Variants in GRAMD4 observed in about 807,000 individuals in gnomAD.
GRAMD4 encodes GRAM domain-containing protein 4.
In GRAMD4, 25 loss-of-function variants were observed where a neutral mutation model predicts 83.9. The ratio of observed to expected loss-of-function variants is 0.30; its 90% CI spans 0.22 to 0.42. GRAMD4 has a LOEUF of 0.42. Among genes scored for constraint, GRAMD4 ranks in the 10% least tolerant of loss-of-function variants. The pLI is 1.00. For missense variants in GRAMD4, 593 were observed against 788.7 expected, an observed-to-expected ratio of 0.75 and a Z score of 2.97; for synonymous variants, 336 against 320.9, an observed-to-expected ratio of 1.05 and a Z score of -0.50.
At chr22:46,577,250 C>T (rs1482319314) in exon 1 of GRAMD4, 3 of 977,256 alleles carry the variant, frequency 3.1e-6, no homozygotes, top group African/African-American at 1.8e-5. Flanking sequence ...AGGGGGGCGC[C>T]GCGGCGGGTG....
Position 46,677,809 on chromosome 22 carries a change from G to A in GRAMD4, c.*558G>A. The A allele has an allele frequency of 1.0e-6, 1 of 985,606 alleles. No individual in the cohort carries two copies. 61.1% of individuals were successfully genotyped at this position (985,606 alleles called of 1,614,324 possible). On this transcript the variant is annotated 3_prime_UTR_variant, in exon 19 of 19. Coordinates refer to ENST00000406902, the MANE Select transcript of GRAMD4 (RefSeq NM_015124.5). ...TACATGAGACCCTCCTGTGGCATTT[G>A]CCCTTGGTGCCGGGCTGGGGCCGGG...
At chr22:46,584,213 T>G (rs1292133968) in intron 1 of GRAMD4, among the ~76,000 whole-genome samples, 1 of 152,078 alleles carries the variant, frequency 6.6e-6, no homozygotes, top group Non-Finnish European at 1.5e-5. Flanking sequence ...AGTCAGCCCC[T>G]TCTGCAGGGA....
At position 46,659,754 on chromosome 22, in the gene GRAMD4, G is replaced by A. The variant is rs1216053730; in HGVS notation, c.404+1447G>A. Among the ~76,000 whole-genome samples, 1 of 152,042 alleles carries A rather than the reference G, an allele frequency of 6.6e-6. No individual in the cohort carries two copies. The highest frequency in any genetic ancestry group is 1.5e-5 in the Non-Finnish European group (1 of 67,986). On this transcript the variant is annotated intron_variant, in intron 4 of 18. Transcript: ENST00000406902. The surrounding 1 kb of genome is among the most constrained non-coding windows in gnomAD (Gnocchi z 4.1). ...TGTGGGGGCATCCAGCTGGTGTGGG[G>A]GAGGGAGAGGCCTCACTTTCCTATT...
chr22:46,660,395 TGTC>T (rs2082309796), intron 4 of GRAMD4, among the ~76,000 whole-genome samples: 1 of 151,904 alleles, frequency 6.6e-6, no homozygotes, highest in Non-Finnish European at 1.5e-5. Context: ...CCTCTTTCCT[TGTC>T]GTCCTGGTGC....
upstream of GRAMD4, chr22:46,577,071 C>A (rs548832829): frequency 7.2e-3 from 1,057 of 147,664 alleles, 13 homozygotes; most frequent in African/African-American, 0.025. Flanking sequence ...GGCTGCGCAA[C>A]GGGGCCGGGG....
intron 1 of GRAMD4, among the ~76,000 whole-genome samples, chr22:46,613,577 G>A (rs2081439175): frequency 6.6e-6 from 1 of 152,202 alleles, no homozygotes; most frequent in South Asian, 2.1e-4. Flanking sequence ...CTTGGGCTGG[G>A]TGGCGGCTAC....
chr22:46,603,309 A>C, intron 1 of GRAMD4, among the ~76,000 whole-genome samples: 1 of 125,384 alleles, frequency 8.0e-6, no homozygotes. Flanking sequence ...CTGGGTTTAC[A>C]CCATTCTCCT....
chr22:46,616,928 A>G (rs1251157693), upstream of GRAMD4, among the ~76,000 whole-genome samples: 4 of 32,298 alleles, frequency 1.2e-4, no homozygotes, highest in African/African-American at 3.7e-4. Flanking sequence ...CTGTGCGTAT[A>G]GGTTCCCCTG....
rs1163661765 is a variant in GRAMD4 at position 46,642,419 on chromosome 22, C to T, written c.283+4459C>T. Among the ~76,000 whole-genome samples, 3 of 152,314 alleles carry T rather than the reference C, an allele frequency of 2.0e-5. No individual in the cohort carries two copies. The East Asian group carries it at 5.8e-4, about 29-fold the overall frequency. ...TTCTATTGGAATTCACACCAGGACTCCTAAGTGCCTGTGTAACCTCATCAG... is the reference window on the plus strand; with the variant it reads ...TTCTATTGGAATTCACACCAGGACTTCTAAGTGCCTGTGTAACCTCATCAG... On this transcript the variant is annotated intron_variant, in intron 3 of 18. Coordinates refer to ENST00000406902, the MANE Select transcript of GRAMD4 (RefSeq NM_015124.5).
chr22:46,625,649 C>T (rs975412678), intron 1 of GRAMD4, among the ~76,000 whole-genome samples: 1 of 152,264 alleles, frequency 6.6e-6, no homozygotes, highest in African/African-American at 2.4e-5. Context: ...CCACGGGGAC[C>T]CAGTTGTCTT....
intron 3 of GRAMD4, among the ~76,000 whole-genome samples, chr22:46,639,425 T>G (rs1218979804): frequency 6.6e-6 from 1 of 151,568 alleles, no homozygotes; most frequent in Non-Finnish European, 1.5e-5. Flanking sequence ...GTTAATCCAG[T>G]GTGTGTGTGT....
intron 3 of GRAMD4, among the ~76,000 whole-genome samples, chr22:46,657,847 C>G (rs896322190): frequency 6.6e-6 from 1 of 152,220 alleles, no homozygotes; most frequent in Non-Finnish European, 1.5e-5. Flanking sequence ...CGCAGGTGTC[C>G]TCAGCGTGGC....
At chr22:46,625,413 C>T (rs968928136) in intron 1 of GRAMD4, among the ~76,000 whole-genome samples, 2 of 152,236 alleles carry the variant, frequency 1.3e-5, no homozygotes, top group East Asian at 1.9e-4. Context: ...CTCAGTGCTT[C>T]CTTGCCATGC....
intron 2 of GRAMD4, among the ~76,000 whole-genome samples, chr22:46,627,960 G>A (rs1042719045): frequency 6.6e-6 from 1 of 152,192 alleles, no homozygotes; most frequent in Non-Finnish European, 1.5e-5. Context: ...GGGGTGGACC[G>A]GGACCCCGGT....
chr22:46,577,199 C>T (rs2081050127), exon 1 of GRAMD4: 1 of 811,504 alleles, frequency 1.2e-6, no homozygotes, highest in African/African-American at 1.9e-5. Context: ...CCGCTGGGCT[C>T]CCGGGCGGGC....
chr22:46,618,432 G>A (rs1410941936), upstream of GRAMD4, among the ~76,000 whole-genome samples: 2 of 152,176 alleles, frequency 1.3e-5, no homozygotes, highest in Non-Finnish European at 2.9e-5. The surrounding 1 kb of genome is among the most constrained non-coding windows in gnomAD (Gnocchi z 5.8). Flanking sequence ...GCGACGTCCC[G>A]GAGCCAAACG....
Position 46,678,977 on chromosome 22 carries a change from G to C in GRAMD4, c.*1726G>C, listed in dbSNP as rs929752171. 1 of 985,680 alleles carries C rather than the reference G, an allele frequency of 1.0e-6. No homozygotes were observed. Among genetic ancestry groups the C allele is most frequent in the African/African-American group, 1.7e-5 (1 of 57,258 alleles). 61.1% of individuals were successfully genotyped at this position (985,680 alleles called of 1,614,324 possible). A position where few individuals can be genotyped will look rare whatever the true frequency, so the allele number is the denominator to read the frequency against. On this transcript the variant is annotated 3_prime_UTR_variant, in exon 19 of 19. Transcript: ENST00000406902. The stretch of plus-strand genomic sequence containing the variant: ...CCCGAATGGGGACAGAACCCGCTCT[G>C]AGCCGTGGGTCTGGCTCCTGTAGGG...
rs1470575228 is a variant in GRAMD4 at position 46,659,124 on chromosome 22, C to G, written c.404+817C>G. On this transcript the variant is annotated intron_variant, in intron 4 of 18. Coordinates refer to ENST00000406902, the MANE Select transcript of GRAMD4 (RefSeq NM_015124.5). This position sits in a 1 kb window ranked among gnomAD's most constrained non-coding sequence, Gnocchi z 4.1. ...GCCAGGGAGCTCAGGCCACTCACCT[C>G]TGGCTCCCAGGCCTCCCGCTCAGCC... Among the ~76,000 whole-genome samples the G allele has an allele frequency of 6.6e-6, 1 of 152,182 alleles. No individual in the cohort carries two copies. The highest frequency in any genetic ancestry group is 6.5e-5 in the Admixed American group (1 of 15,286).
At chr22:46,680,096 G>A (rs757893877), downstream of GRAMD4, among the ~76,000 whole-genome samples, 11 of 152,206 alleles carry the variant, frequency 7.2e-5, no homozygotes, top group Non-Finnish European at 1.2e-4. Flanking sequence ...ACCCAGGGCT[G>A]GCACAGGGCG....
Sources: gnomAD v4.1 joint callset for allele counts (sites outside exome capture counted in the v4.1 genomes callset) on GRCh38, gnomAD v4.1.1 for gene constraint, Gnocchi (gnomAD v3.1) non-coding constraint, MANE v1.5 for transcripts, NCBI Gene and HGNC (gene_info 2026-07-23, HGNC 2026-07-21) for gene names.